RALGAPA2: variants seen among roughly 807,000 people sequenced by gnomAD.
RALGAPA2 encodes the protein ral GTPase-activating protein subunit alpha-2.
Under a neutral mutation model 230.4 loss-of-function variants are expected in RALGAPA2, and 139 were observed. The ratio of observed to expected loss-of-function variants is 0.60; its 90% confidence interval spans 0.53 to 0.69. The LOEUF (loss-of-function observed/expected upper bound fraction) is 0.69, where lower values mean the gene tolerates loss of function less well. Among genes scored for constraint, RALGAPA2 ranks in the 30% least tolerant of loss-of-function variants. RALGAPA2 has a pLI of 0.00. For missense variants in RALGAPA2, 2,163 were observed against 2,276.0 expected (o/e 0.95, Z 1.01); for synonymous variants, 847 against 837.8 (o/e 1.01, Z -0.19).
intron 3 of RALGAPA2, among the ~76,000 whole-genome samples, chr20:20,674,726 A>C (rs1006527162): frequency 6.6e-6 from 1 of 152,246 alleles, no homozygotes; most frequent in Non-Finnish European, 1.5e-5. Context: ...GAGGGTAAAA[A>C]GCATGTCGAA....
chr20:20,599,744 A>C (rs150580707), intron 16 of RALGAPA2, among the ~76,000 whole-genome samples: 17 of 152,166 alleles, frequency 1.1e-4, no homozygotes, highest in African/African-American at 3.6e-4. Context: ...AGGCCAAGAC[A>C]GGCAAATCAC....
At chr20:20,567,509 C>T (rs2064469527) in intron 23 of RALGAPA2, among the ~76,000 whole-genome samples, 1 of 152,064 alleles carries the variant, frequency 6.6e-6, no homozygotes, top group Non-Finnish European at 1.5e-5. Flanking sequence ...AGGGCAGAGC[C>T]CAGGCAAAAT....
intron 37 of RALGAPA2, among the ~76,000 whole-genome samples, chr20:20,424,115 C>T (rs1010065249): frequency 5.3e-5 from 8 of 152,180 alleles, no homozygotes; most frequent in African/African-American, 9.7e-5. Context: ...ACACATGCAA[C>T]GGATTTGGAC....
At chr20:20,393,721 A>G (rs1438610462) in intron 39 of RALGAPA2, among the ~76,000 whole-genome samples, 1 of 152,188 alleles carries the variant, frequency 6.6e-6, no homozygotes, top group Non-Finnish European at 1.5e-5. Context: ...TTATTCCCCA[A>G]AGGGTCTAAG....
intron 31 of RALGAPA2, among the ~76,000 whole-genome samples, chr20:20,519,227 C>A (rs1210214381): frequency 6.6e-6 from 1 of 152,204 alleles, no homozygotes; most frequent in African/African-American, 2.4e-5. Flanking sequence ...TATCCCTTAA[C>A]CTCAGTTTGC....
At chr20:20,630,802 T>C (rs1199992730) in intron 9 of RALGAPA2, among the ~76,000 whole-genome samples, 4 of 152,128 alleles carry the variant, frequency 2.6e-5, no homozygotes, top group African/African-American at 9.7e-5. Context: ...ATTTCACATA[T>C]ACACACGCAT....
intron 19 of RALGAPA2, 43 bp from the exon 20 acceptor site, chr20:20,583,269 G>A: frequency 2.0e-6 from 3 of 1,536,256 alleles, no homozygotes; most frequent in Non-Finnish European, 2.7e-6. Flanking sequence ...AAAAATAGCT[G>A]AAAATCAGAA....
Position 20,571,452 on chromosome 20 carries a change from G to C in RALGAPA2, c.3156+6C>G. ...GGGCAATCACAATAAAGGAGTCGCA[G>C]AATACCTGATCCTCGCTGGTTAATC... is the stretch of plus-strand genomic sequence containing the variant. On this transcript the variant is annotated splice_donor_region_variant and intron_variant, in intron 23 of 39. Coordinates refer to ENST00000202677, the MANE Select transcript of RALGAPA2 (RefSeq NM_020343.4). The C allele has an allele frequency of 6.2e-7, 1 of 1,608,546 alleles. No individual in the cohort carries two copies. Among genetic ancestry groups the C allele is most frequent in the Middle Eastern group, 2.0e-4 (1 of 4,942 alleles).
At chr20:20,683,615 G>GCAA (rs1319354512) in intron 1 of RALGAPA2, among the ~76,000 whole-genome samples, 2 of 152,322 alleles carry the variant, frequency 1.3e-5, no homozygotes, top group African/African-American at 2.4e-5. Flanking sequence ...AGACAAAGTA[G>GCAA]CAAATGTAGA....
At chr20:20,438,541 G>A (rs1036894880) in intron 37 of RALGAPA2, among the ~76,000 whole-genome samples, 12 of 152,224 alleles carry the variant, frequency 7.9e-5, no homozygotes, top group Middle Eastern at 3.4e-3. Context: ...GTATGTTCAC[G>A]GTACAGCCCT....
intron 36 of RALGAPA2, among the ~76,000 whole-genome samples, chr20:20,493,428 T>C (rs2062116870): frequency 6.6e-6 from 1 of 152,236 alleles, no homozygotes; most frequent in African/African-American, 2.4e-5. Flanking sequence ...TCATTAAATG[T>C]GCAAACATTT....
intron 1 of RALGAPA2, among the ~76,000 whole-genome samples, chr20:20,701,330 A>G (rs2069351402): frequency 6.9e-6 from 1 of 144,686 alleles, no homozygotes; most frequent in South Asian, 2.1e-4. Flanking sequence ...TATTATTATT[A>G]TTGAAATAAG....
At chr20:20,561,356 A>C (rs1452024800) in intron 23 of RALGAPA2, among the ~76,000 whole-genome samples, 1 of 152,104 alleles carries the variant, frequency 6.6e-6, no homozygotes, top group East Asian at 1.9e-4. Flanking sequence ...GCTTCCTCTT[A>C]GCTACTCAGG....
intron 16 of RALGAPA2, among the ~76,000 whole-genome samples, chr20:20,592,592 C>T (rs1364399237): frequency 6.6e-6 from 1 of 152,160 alleles, no homozygotes; most frequent in African/African-American, 2.4e-5. Flanking sequence ...ATATTTTCCA[C>T]AAATTTTAAT....
chr20:20,520,879 T>G, intron 31 of RALGAPA2, 38 bp downstream of exon 31: 1 of 1,475,212 alleles, frequency 6.8e-7, no homozygotes, highest in Non-Finnish European at 9.2e-7. Context: ...TCCTTCCTTT[T>G]CCTTCCCACA....
intron 35 of RALGAPA2, among the ~76,000 whole-genome samples, chr20:20,496,582 T>C (rs1226843301): frequency 6.6e-6 from 1 of 152,226 alleles, no homozygotes; most frequent in Non-Finnish European, 1.5e-5. Flanking sequence ...AGATGAACAT[T>C]AAAAATGACT....
intron 3 of RALGAPA2, among the ~76,000 whole-genome samples, chr20:20,665,811 C>T (rs1407720045): frequency 6.6e-6 from 1 of 152,126 alleles, no homozygotes; most frequent in African/African-American, 2.4e-5. Flanking sequence ...GATCTCAGTC[C>T]TATGTTTTAT....
intron 30 of RALGAPA2, 39 bp from the exon 31 acceptor site, chr20:20,521,139 C>A (rs760329847): frequency 6.6e-7 from 1 of 1,521,088 alleles, no homozygotes. Context: ...GGATGCTACT[C>A]ACCGCGTGTC....
At chr20:20,519,840 A>C (rs748934409) in intron 31 of RALGAPA2, among the ~76,000 whole-genome samples, 20 of 151,628 alleles carry the variant, frequency 1.3e-4, no homozygotes, top group Admixed American at 3.9e-4. Flanking sequence ...TACAATTTTC[A>C]TGGATGATCT....
Sources: allele counts gnomAD v4.1 joint callset (sites outside exome capture counted in the v4.1 genomes callset), GRCh38; gene constraint gnomAD v4.1.1; transcripts MANE v1.5; gene names NCBI Gene and HGNC (gene_info 2026-07-23, HGNC 2026-07-21).